Variants in TFCP2L1 observed in about 807,000 individuals in gnomAD.
TFCP2L1 encodes transcription factor CP2 like 1, also known as transcription factor CP2-like protein 1.
Under a neutral mutation model 72.2 loss-of-function variants are expected in TFCP2L1, and 12 were observed. The ratio of observed to expected loss-of-function variants is 0.17; its 90% CI spans 0.11 to 0.27. The LOEUF (loss-of-function observed/expected upper bound fraction) is 0.27, where lower values mean the gene tolerates loss of function less well. Among genes scored for constraint, TFCP2L1 ranks in the 10% least tolerant of loss-of-function variants. TFCP2L1 has a pLI of 1.00. For synonymous variants in TFCP2L1, 260 were observed against 251.0 expected (o/e 1.04, Z -0.34); for missense variants, 488 against 624.6 (o/e 0.78, Z 2.33).
At position 121,224,290 on chromosome 2, in the gene TFCP2L1, C is replaced by A; in HGVS notation, c.*51G>T. 6.2e-7 allele frequency: 1 copy of A among 1,607,748 alleles called. No homozygotes were observed. Among genetic ancestry groups the A allele is most frequent in the Non-Finnish European group, 8.5e-7 (1 of 1,175,892 alleles). On this transcript the variant is annotated 3_prime_UTR_variant, in exon 15 of 15. Transcript: ENST00000263707. ...TACAGTGGGGCAATGTCTACATCCA[C>A]GGGGATCCACAGGGCTGGGAGCTGG... is the stretch of plus-strand genomic sequence containing the variant.
At chr2:121,252,197 C>T (rs1194716173) in intron 2 of TFCP2L1, among the ~76,000 whole-genome samples, 1 of 152,182 alleles carries the variant, frequency 6.6e-6, no homozygotes, top group African/African-American at 2.4e-5. Context: ...TACAGGCACA[C>T]GCCAGCATGC....
chr2:121,256,499 C>T (rs985640669), intron 2 of TFCP2L1, among the ~76,000 whole-genome samples: 1 of 152,098 alleles, frequency 6.6e-6, no homozygotes, highest in Non-Finnish European at 1.5e-5. Context: ...GTGGGCAGGC[C>T]GGGCACAGTG....
chr2:121,235,152 T>A, intron 11 of TFCP2L1, 69 bp downstream of exon 11: 1 of 1,544,910 alleles, frequency 6.5e-7, no homozygotes, highest in East Asian at 2.3e-5. Flanking sequence ...AAGGCTGAGG[T>A]AGGGGTTTCC....
chr2:121,254,855 G>C (rs1035872811), intron 2 of TFCP2L1, among the ~76,000 whole-genome samples: 2 of 151,902 alleles, frequency 1.3e-5, no homozygotes, highest in African/African-American at 2.4e-5. Flanking sequence ...CCAGGCAGAG[G>C]GGGAGGAGTG....
intron 2 of TFCP2L1, among the ~76,000 whole-genome samples, chr2:121,271,898 G>T (rs1380866751): frequency 1.3e-5 from 2 of 152,134 alleles, no homozygotes; most frequent in African/African-American, 4.8e-5. Context: ...CAGGAGGGTT[G>T]GGGGTAGGGT....
At chr2:121,257,871 TC>T (rs11354915) in intron 2 of TFCP2L1, among the ~76,000 whole-genome samples, 16,581 of 151,142 alleles carry the variant, frequency 0.11, 2,038 homozygotes, top group African/African-American at 0.3. Flanking sequence ...TGCCCACCCC[TC>T]CCTCCTTGAA....
Position 121,235,210 on chromosome 2 carries a change from C to G in TFCP2L1, c.1094+11G>C. ...GCCTCTGGCTGGCTTCACAGAGAAA[C>G]CAACACCTACCGGCCTTTGATGGCG... is the stretch of plus-strand genomic sequence containing the variant. On this transcript the variant is annotated intron_variant, in intron 11 of 14. Transcript: ENST00000263707. The G allele has an allele frequency of 1.2e-6, 2 of 1,614,200 alleles. No homozygotes were observed. The highest frequency in any genetic ancestry group is 2.2e-5 in the South Asian group (2 of 91,084).
At position 121,220,548 on chromosome 2, in the gene TFCP2L1, T is replaced by C. The variant is rs947896283; in HGVS notation, c.*3793A>G. 1.3e-5 allele frequency: 2 copies of C among 152,234 alleles called. No homozygotes were observed. The allele number at this position is 152,234 out of a possible 1,614,324, so 9.4% of individuals were successfully genotyped here. A position where few individuals can be genotyped will look rare whatever the true frequency, so the allele number is the denominator to read the frequency against. ...CAAGATGGTGGCCTGAGCACATGTGTCTGTCTTATTTCCCTCTGGGGTTCA... is the reference window on the plus strand; with the variant it reads ...CAAGATGGTGGCCTGAGCACATGTGCCTGTCTTATTTCCCTCTGGGGTTCA... On this transcript the variant is annotated 3_prime_UTR_variant, in exon 15 of 15. Coordinates refer to ENST00000263707, the MANE Select transcript of TFCP2L1 (RefSeq NM_014553.3).
intron 2 of TFCP2L1, among the ~76,000 whole-genome samples, chr2:121,268,609 C>T (rs917673518): frequency 9.2e-5 from 14 of 151,842 alleles, no homozygotes; most frequent in African/African-American, 3.4e-4. Flanking sequence ...CCAGGCTATA[C>T]TGAGGTAAGT....
At chr2:121,263,958 A>G (rs1686879984) in intron 2 of TFCP2L1, among the ~76,000 whole-genome samples, 1 of 152,254 alleles carries the variant, frequency 6.6e-6, no homozygotes, top group African/African-American at 2.4e-5. Context: ...ACATGAAGAA[A>G]AAAGAAAAAA....
Position 121,221,264 on chromosome 2 carries a change from TAG to T in TFCP2L1, c.*3075_*3076del, listed in dbSNP as rs1685923888. 6.6e-6 allele frequency: 1 copy of T among 152,146 alleles called. No homozygotes were observed. The highest frequency in any genetic ancestry group is 6.5e-5 in the Admixed American group (1 of 15,274). The allele number at this position is 152,146 out of a possible 1,614,324, so 9.4% of individuals were successfully genotyped here. On this transcript the variant is annotated 3_prime_UTR_variant, in exon 15 of 15. Coordinates refer to ENST00000263707, the MANE Select transcript of TFCP2L1 (RefSeq NM_014553.3). ...TCCTCCAAGGACTAGTGTGTGGAGC[TAG>T]AACATGCACCAAGGAAGACTGGGGA...
At chr2:121,240,699 G>C in intron 7 of TFCP2L1, 2 of 985,396 alleles carry the variant, frequency 2.0e-6, no homozygotes, top group Non-Finnish European at 2.4e-6. Flanking sequence ...CTGTTAGGGA[G>C]AGAATGGTAT....
chr2:121,264,213 C>G (rs1686885167), intron 2 of TFCP2L1, among the ~76,000 whole-genome samples: 1 of 152,182 alleles, frequency 6.6e-6, no homozygotes, highest in Admixed American at 6.5e-5. Context: ...TCCACTTGCT[C>G]ATATCCAACC....
Position 121,220,918 on chromosome 2 carries a change from C to A in TFCP2L1, c.*3423G>T, listed in dbSNP as rs1685916399. 6.6e-6 allele frequency: 1 copy of A among 152,152 alleles called. No individual in the cohort carries two copies. The highest frequency in any genetic ancestry group is 6.5e-5 in the Admixed American group (1 of 15,284). 9.4% of individuals were successfully genotyped at this position (152,152 alleles called of 1,614,324 possible). On this transcript the variant is annotated 3_prime_UTR_variant, in exon 15 of 15. Coordinates refer to ENST00000263707, the MANE Select transcript of TFCP2L1 (RefSeq NM_014553.3). The stretch of plus-strand genomic sequence containing the variant: ...AGGTAAGAAGAGCAGATGCCAGGGG[C>A]ATGCCAGAAAAATGGAAGACTCTAC...
chr2:121,250,106 C>G (rs1166913553), intron 2 of TFCP2L1, among the ~76,000 whole-genome samples: 1 of 152,166 alleles, frequency 6.6e-6, no homozygotes, highest in Non-Finnish European at 1.5e-5. Context: ...TCTCTAATGG[C>G]AGAATGCAAA....
chr2:121,247,458 T>C (rs1686512410), intron 5 of TFCP2L1, among the ~76,000 whole-genome samples: 1 of 152,108 alleles, frequency 6.6e-6, no homozygotes, highest in South Asian at 2.1e-4. Flanking sequence ...TATCAATGTA[T>C]TGTTATAATA....
chr2:121,256,396 C>T (rs892205013), intron 2 of TFCP2L1, among the ~76,000 whole-genome samples: 6 of 152,140 alleles, frequency 3.9e-5, no homozygotes, highest in Non-Finnish European at 4.4e-5. Context: ...CTATAAATGA[C>T]GATGGGTCCA....
At chr2:121,254,290 TACATCAAACA>T (rs1198000428) in intron 2 of TFCP2L1, among the ~76,000 whole-genome samples, 1 of 152,104 alleles carries the variant, frequency 6.6e-6, no homozygotes, top group Non-Finnish European at 1.5e-5. Flanking sequence ...TCCTCTGGAG[TACATCAAACA>T]GTCCTGGAAG....
chr2:121,265,469 A>C (rs565912573), intron 2 of TFCP2L1, among the ~76,000 whole-genome samples: 1 of 152,236 alleles, frequency 6.6e-6, no homozygotes, highest in East Asian at 1.9e-4. Context: ...GGGTATGTGA[A>C]TCATATCACA....
Sources: gnomAD v4.1 joint callset for allele counts (sites outside exome capture counted in the v4.1 genomes callset) on GRCh38, gnomAD v4.1.1 for gene constraint, MANE v1.5 for transcripts, NCBI Gene and HGNC (gene_info 2026-07-23, HGNC 2026-07-21) for gene names.